The following STIM2 variants were observed in gnomAD, a reference collection of about 807,000 sequenced individuals.
STIM2 encodes the protein stromal interaction molecule 2.
A neutral mutation model predicts 85.8 loss-of-function variants in STIM2; 31 were observed. The observed-to-expected ratio is 0.36, with a 90% CI of 0.27 to 0.49. STIM2 has a LOEUF of 0.49. STIM2 is among the 20% of genes least tolerant of loss of function. The probability of loss-of-function intolerance (pLI) is 0.98; values close to 1 mark genes in which losing one functional copy is unlikely to be tolerated. For missense variants in STIM2, 841 were observed against 927.6 expected, an observed-to-expected ratio of 0.91 and a Z score of 1.21; for synonymous variants, 356 against 331.1, an observed-to-expected ratio of 1.08 and a Z score of -0.82.
At chr4:26,937,708 G>A (rs1282713118) in intron 2 of STIM2, among the ~76,000 whole-genome samples, 1 of 152,150 alleles carries the variant, frequency 6.6e-6, no homozygotes, top group Non-Finnish European at 1.5e-5. Context: ...AACGAGGACT[G>A]TCCTAAGCAA....
At chr4:27,018,226 C>G (rs1053772455) in intron 11 of STIM2, among the ~76,000 whole-genome samples, 3 of 152,116 alleles carry the variant, frequency 2.0e-5, no homozygotes, top group African/African-American at 7.2e-5. Flanking sequence ...TGGTGTTGGC[C>G]AGGCTGCATT....
intron 1 of STIM2, among the ~76,000 whole-genome samples, chr4:26,912,475 A>G (rs74593590): frequency 6.6e-6 from 1 of 152,188 alleles, no homozygotes; most frequent in African/African-American, 2.4e-5. Flanking sequence ...ACATATATCA[A>G]TTGACTAGGA....
chr4:26,942,960 A>C (rs1365788860), intron 2 of STIM2, among the ~76,000 whole-genome samples: 1 of 152,154 alleles, frequency 6.6e-6, no homozygotes, highest in Non-Finnish European at 1.5e-5. Context: ...TTAAGGTTTA[A>C]AATTGAGTCC....
rs1723059820 is a variant in STIM2 at position 26,882,782 on chromosome 4, A to G, written c.151+21413A>G. Among the ~76,000 whole-genome samples, 6 of 150,872 alleles carry G rather than the reference A, an allele frequency of 4.0e-5. No homozygotes were observed. The South Asian group carries it at 1.0e-3, about 26-fold the overall frequency. ...CCATTAGTCTCTTCTTATGGCTTCAACTACTATATGTAAATCCAGGTGCTA... is the reference window on the plus strand; with the variant it reads ...CCATTAGTCTCTTCTTATGGCTTCAGCTACTATATGTAAATCCAGGTGCTA... On this transcript the variant is annotated intron_variant, in intron 1 of 11. Transcript: ENST00000467087.
intron 1 of STIM2, among the ~76,000 whole-genome samples, chr4:26,868,730 C>G (rs188496064): frequency 1.3e-5 from 2 of 151,670 alleles, no homozygotes; most frequent in South Asian, 4.2e-4. Flanking sequence ...TAATCTTAAT[C>G]CCCCTTCTTT....
intron 2 of STIM2, among the ~76,000 whole-genome samples, chr4:26,939,433 C>A (rs1253345203): frequency 1.3e-5 from 2 of 152,116 alleles, no homozygotes; most frequent in Admixed American, 1.3e-4. Flanking sequence ...TTGTACCACC[C>A]CACTGGCCTT....
At chr4:26,919,697 G>T in intron 2 of STIM2, 63 bp downstream of exon 2, 8 of 1,556,314 alleles carry the variant, frequency 5.1e-6, no homozygotes, top group African/African-American at 2.8e-5. Flanking sequence ...TTCTGTTTCT[G>T]GTCTTCAATT....
At chr4:26,984,319 G>T (rs937039121) in intron 3 of STIM2, among the ~76,000 whole-genome samples, 2 of 152,158 alleles carry the variant, frequency 1.3e-5, no homozygotes, top group Admixed American at 1.3e-4. Flanking sequence ...AACACTATCT[G>T]CAGAACAACC....
At chr4:26,954,194 A>G (rs540469636) in intron 2 of STIM2, among the ~76,000 whole-genome samples, 30 of 152,326 alleles carry the variant, frequency 2.0e-4, no homozygotes, top group Admixed American at 2.0e-4. Flanking sequence ...GAGAAACTGA[A>G]ATCAGTTTAT....
chr4:26,957,499 C>A, intron 2 of STIM2, 113 bp from the exon 3 acceptor site: 1 of 539,374 alleles, frequency 1.9e-6, no homozygotes, highest in South Asian at 3.3e-5. Context: ...CAAAAATTTG[C>A]CAGTTACTGT....
chr4:27,010,001 G>A (rs1349359791), intron 10 of STIM2, among the ~76,000 whole-genome samples: 1 of 152,154 alleles, frequency 6.6e-6, no homozygotes, highest in Non-Finnish European at 1.5e-5. Flanking sequence ...TGGGTTGGGG[G>A]CAGAGGTATT....
chr4:26,874,406 C>T (rs1053480227), intron 1 of STIM2: 12 of 214,398 alleles, frequency 5.6e-5, no homozygotes, highest in South Asian at 1.5e-4. Flanking sequence ...AACGTCTGCC[C>T]GACGCCAAGT....
intron 1 of STIM2, chr4:26,873,681 C>T: frequency 1.3e-6 from 1 of 754,952 alleles, no homozygotes; most frequent in Non-Finnish European, 2.3e-6. Context: ...TCTCTTCTGC[C>T]ATAATGGCTT....
intron 2 of STIM2, among the ~76,000 whole-genome samples, chr4:26,942,230 C>G (rs1298977763): frequency 6.6e-6 from 1 of 152,098 alleles, no homozygotes; most frequent in Non-Finnish European, 1.5e-5. Flanking sequence ...TGTCTGTGTT[C>G]TTGCAAAGTG....
chr4:26,966,157 G>A (rs1726708194), intron 3 of STIM2, among the ~76,000 whole-genome samples: 1 of 151,988 alleles, frequency 6.6e-6, no homozygotes, highest in South Asian at 2.1e-4. Context: ...GTAAAAATGA[G>A]GGCTGTCCAC....
At chr4:27,016,262 T>C (rs1192149959) in intron 10 of STIM2, among the ~76,000 whole-genome samples, 1 of 152,250 alleles carries the variant, frequency 6.6e-6, no homozygotes, top group Non-Finnish European at 1.5e-5. Context: ...TTTCATTTGA[T>C]AATCCTCTTA....
chr4:26,871,287 CT>C (rs1722602366), intron 1 of STIM2, among the ~76,000 whole-genome samples: 1 of 152,126 alleles, frequency 6.6e-6, no homozygotes, highest in Non-Finnish European at 1.5e-5. Context: ...AAAAACCCCC[CT>C]GTGCCAAGGA....
intron 1 of STIM2, among the ~76,000 whole-genome samples, chr4:26,886,055 GC>G: frequency 6.6e-6 from 1 of 151,736 alleles, no homozygotes; most frequent in African/African-American, 2.4e-5. Context: ...GGAAGTTGTG[GC>G]TATGTGAGCT....
At chr4:26,948,096 G>T (rs1725910921) in intron 2 of STIM2, among the ~76,000 whole-genome samples, 1 of 152,160 alleles carries the variant, frequency 6.6e-6, no homozygotes, top group South Asian at 2.1e-4. Flanking sequence ...GGTATGATTG[G>T]ATTCTTGTGC....
Sources: gnomAD v4.1 joint callset for allele counts (sites outside exome capture counted in the v4.1 genomes callset) on GRCh38, gnomAD v4.1.1 for gene constraint, MANE v1.5 for transcripts, NCBI Gene and HGNC (gene_info 2026-07-23, HGNC 2026-07-21) for gene names.